DRC8: variants seen among roughly 807,000 people sequenced by gnomAD.
DRC8 encodes the protein dynein regulatory complex protein 8.
At chr1:245,067,116 G>T in the DRC8 span, among the ~76,000 whole-genome samples, 1 of 152,180 alleles carries the variant, frequency 6.6e-6, no homozygotes, top group South Asian at 2.1e-4. Flanking sequence ...TGACTGCAAT[G>T]GCATTTATTT....
the DRC8 span, among the ~76,000 whole-genome samples, chr1:245,055,180 A>G: frequency 6.6e-6 from 1 of 152,254 alleles, no homozygotes; most frequent in East Asian, 1.9e-4. Flanking sequence ...GCCCTGAGAG[A>G]TGGTCAGGGT....
At chr1:245,017,337 A>G in the DRC8 span, 1 of 1,317,508 alleles carries the variant, frequency 7.6e-7, no homozygotes, top group Non-Finnish European at 1.0e-6. Flanking sequence ...GTGTGGAAAT[A>G]TTTTTTTTTT....
the DRC8 span, among the ~76,000 whole-genome samples, chr1:244,985,592 GGT>G: frequency 1.3e-5 from 2 of 152,282 alleles, no homozygotes; most frequent in South Asian, 4.1e-4. Context: ...GGCCAGGTGT[GGT>G]GGCACACACC....
At chr1:245,010,320 T>C in the DRC8 span, among the ~76,000 whole-genome samples, 1 of 152,224 alleles carries the variant, frequency 6.6e-6, no homozygotes, top group African/African-American at 2.4e-5. Context: ...AGTTGCACAC[T>C]GGAATGAACA....
At chr1:245,083,637 A>G in the DRC8 span, 2 of 1,610,088 alleles carry the variant, frequency 1.2e-6, no homozygotes, top group Non-Finnish European at 1.7e-6. Context: ...AGATTCAGCT[A>G]AACGTGGGTT....
the DRC8 span, among the ~76,000 whole-genome samples, chr1:244,995,361 C>CA: frequency 0.015 from 2,096 of 138,874 alleles, 46 homozygotes; most frequent in African/African-American, 0.05. Context: ...GACTCCATCT[C>CA]AAAAAAAAAA....
the DRC8 span, among the ~76,000 whole-genome samples, chr1:245,112,122 T>G: frequency 2.0e-5 from 3 of 152,258 alleles, no homozygotes; most frequent in African/African-American, 7.2e-5. Context: ...TTGCCCAGGC[T>G]GGCGTGCAAT....
the DRC8 span, chr1:244,970,599 C>A: frequency 3.5e-6 from 3 of 867,236 alleles, no homozygotes; most frequent in South Asian, 1.9e-5. Flanking sequence ...CAGCAGCAGT[C>A]GCCCTGCCCC....
the DRC8 span, among the ~76,000 whole-genome samples, chr1:244,971,747 C>A: frequency 1.3e-5 from 2 of 152,014 alleles, no homozygotes; most frequent in Non-Finnish European, 2.9e-5. Context: ...TCACTTGTTC[C>A]GGTGATCACA....
chr1:245,013,980 C>T, the DRC8 span, among the ~76,000 whole-genome samples: 1 of 125,450 alleles, frequency 8.0e-6, no homozygotes, highest in African/African-American at 3.2e-5. Context: ...TGTGGTGAGT[C>T]GAGATCATGC....
chr1:244,997,575 C>T, the DRC8 span, among the ~76,000 whole-genome samples: 1 of 144,958 alleles, frequency 6.9e-6, no homozygotes, highest in African/African-American at 2.6e-5. Flanking sequence ...CGGAGTTTCG[C>T]TCTTGTTGCC....
chr1:244,970,058 G>A, the DRC8 span: 2 of 636,392 alleles, frequency 3.1e-6, no homozygotes, highest in South Asian at 3.5e-5. Flanking sequence ...GTGCGCGCGC[G>A]TGCTGTCCCC....
At chr1:245,027,206 A>G in the DRC8 span, among the ~76,000 whole-genome samples, 1 of 152,192 alleles carries the variant, frequency 6.6e-6, no homozygotes, top group African/African-American at 2.4e-5. Flanking sequence ...AAAAGAGTCA[A>G]AGAGAATTTT....
chr1:245,090,770 C>T, the DRC8 span, among the ~76,000 whole-genome samples: 6 of 151,962 alleles, frequency 3.9e-5, no homozygotes, highest in South Asian at 2.1e-4. Context: ...GTAGGATGAC[C>T]GTCTGTCCTG....
the DRC8 span, among the ~76,000 whole-genome samples, chr1:245,059,197 T>C: frequency 3.9e-4 from 60 of 152,322 alleles, no homozygotes; most frequent in South Asian, 0.012. Context: ...AATGAAACCA[T>C]TTCTTTCATC....
chr1:245,046,237 A>T, the DRC8 span, among the ~76,000 whole-genome samples: 1 of 152,048 alleles, frequency 6.6e-6, no homozygotes, highest in Non-Finnish European at 1.5e-5. Context: ...TTCATCATTA[A>T]GCTATGAATT....
At chr1:245,079,708 G>C in the DRC8 span, among the ~76,000 whole-genome samples, 1 of 152,064 alleles carries the variant, frequency 6.6e-6, no homozygotes, top group Admixed American at 6.5e-5. Flanking sequence ...GTGGTTTGTT[G>C]GTGGTGGGAG....
At chr1:245,099,244 C>T in the DRC8 span, among the ~76,000 whole-genome samples, 1 of 152,162 alleles carries the variant, frequency 6.6e-6, no homozygotes, top group Non-Finnish European at 1.5e-5. Flanking sequence ...ACTGGAATGA[C>T]CCTTGTGAGG....
the DRC8 span, among the ~76,000 whole-genome samples, chr1:245,015,965 C>CTTTTTTTTTTTTTT: frequency 1.0e-4 from 6 of 57,210 alleles, no homozygotes; most frequent in Non-Finnish European, 1.3e-4. Flanking sequence ...GCCTACAGGG[C>CTTTTTTTTTTTTTT]TTTTTTTTTT....
Sources: allele counts gnomAD v4.1 joint callset (sites outside exome capture counted in the v4.1 genomes callset), GRCh38; gene constraint gnomAD v4.1.1; transcripts MANE v1.5; gene names NCBI Gene and HGNC (gene_info 2026-07-23, HGNC 2026-07-21).